Variants in PTK2 observed in about 807,000 individuals in gnomAD.
PTK2 encodes the protein focal adhesion kinase 1.
A neutral mutation model predicts 150.1 loss-of-function variants in PTK2; 45 were observed. The observed-to-expected ratio is 0.30, with a 90% CI of 0.24 to 0.38. The LOEUF is 0.38. Ranked by LOEUF, PTK2 falls within the 10% of genes least tolerant of loss-of-function variation. PTK2 has a pLI of 1.00. For synonymous variants in PTK2, 432 were observed against 449.2 expected (o/e 0.96, Z 0.48); for missense variants, 919 against 1,307.3 (o/e 0.70, Z 4.58).
intron 12 of PTK2, among the ~76,000 whole-genome samples, chr8:140,797,351 T>TA (rs2100092275): frequency 6.6e-6 from 1 of 152,182 alleles, no homozygotes. Flanking sequence ...ATATGTGTCA[T>TA]AATATTTTCC....
chr8:140,810,911 C>T (rs1043790300), intron 10 of PTK2, among the ~76,000 whole-genome samples: 2 of 152,244 alleles, frequency 1.3e-5, no homozygotes, highest in African/African-American at 4.8e-5. Context: ...CAACCCTGTG[C>T]TACCACCACC....
intron 2 of PTK2, among the ~76,000 whole-genome samples, chr8:140,923,144 A>G (rs1270274911): frequency 6.6e-6 from 1 of 152,214 alleles, no homozygotes; most frequent in East Asian, 1.9e-4. Flanking sequence ...CCTAATGTGC[A>G]AGATCTTGAG....
rs1009949549 is a variant in PTK2, at chr8:140,893,183, G to GT, written c.-32-2415dup. Among the ~76,000 whole-genome samples, 7 of 152,268 alleles carry GT rather than the reference G, an allele frequency of 4.6e-5. No individual in the cohort carries two copies. In the East Asian group the frequency reaches 1.4e-3, roughly 29 times the overall value. On this transcript the variant is annotated intron_variant, in intron 2 of 31. Coordinates refer to ENST00000522684, the Ensembl canonical transcript of PTK2. ...TCTCTATAAAAATTAACTGGGCATGGTGGCATGTGCCTGTACTCCCAGCTA... is the reference window on the plus strand; with the variant it reads ...TCTCTATAAAAATTAACTGGGCATGGTTGGCATGTGCCTGTACTCCCAGCTA...
At chr8:140,975,817 T>C (rs2100189081) in intron 1 of PTK2, among the ~76,000 whole-genome samples, 1 of 152,132 alleles carries the variant, frequency 6.6e-6, no homozygotes, top group Non-Finnish European at 1.5e-5. Flanking sequence ...GCCAGGGAAC[T>C]ATAACAGTCT....
At chr8:140,783,618 A>G (rs1694444353) in intron 14 of PTK2, among the ~76,000 whole-genome samples, 1 of 152,214 alleles carries the variant, frequency 6.6e-6, no homozygotes. Context: ...AGAACTTTAC[A>G]GTTTACAAAC....
intron 22 of PTK2, among the ~76,000 whole-genome samples, chr8:140,726,009 T>C (rs892264427): frequency 2.6e-5 from 4 of 151,924 alleles, no homozygotes; most frequent in African/African-American, 7.3e-5. Flanking sequence ...GATGAAACGA[T>C]AGGAAATGTC....
intron 1 of PTK2, among the ~76,000 whole-genome samples, chr8:140,996,614 G>C (rs1464625559): frequency 3.9e-5 from 6 of 152,198 alleles, no homozygotes; most frequent in Non-Finnish European, 7.3e-5. Context: ...GGGTCCTTAA[G>C]AACGATGCTA....
At chr8:140,921,030 T>C in intron 2 of PTK2, 1 of 1,295,994 alleles carries the variant, frequency 7.7e-7, no homozygotes, top group Non-Finnish European at 9.8e-7. Flanking sequence ...GTGCTCCTTT[T>C]TTCAGAGCTT....
At chr8:140,785,444 A>G (rs899505646) in intron 14 of PTK2, among the ~76,000 whole-genome samples, 1 of 152,208 alleles carries the variant, frequency 6.6e-6, no homozygotes, top group Non-Finnish European at 1.5e-5. Flanking sequence ...GACTATGCAT[A>G]AGAGAGAAAT....
chr8:140,809,213 G>C (rs1177440791), intron 10 of PTK2, among the ~76,000 whole-genome samples: 1 of 152,004 alleles, frequency 6.6e-6, no homozygotes, highest in Non-Finnish European at 1.5e-5. Flanking sequence ...AAATAATGAA[G>C]ATACTACAAA....
intron 26 of PTK2, among the ~76,000 whole-genome samples, chr8:140,699,811 T>TC (rs2100029147): frequency 6.6e-6 from 1 of 152,134 alleles, no homozygotes; most frequent in Admixed American, 6.6e-5. Flanking sequence ...ATTGCAAGTT[T>TC]TTTTTTTTTC....
rs556262628 is a variant in PTK2, at chr8:140,920,940, A to G, written c.-33+4721T>C. 1.3e-4 allele frequency: 198 copies of G among 1,472,610 alleles called. 2 individuals carry two copies. The African/African-American group carries it at 2.7e-3, about 20-fold the overall frequency. 91.2% of individuals were successfully genotyped at this position (1,472,610 alleles called of 1,614,324 possible). On this transcript the variant is annotated intron_variant, in intron 2 of 31. Coordinates refer to ENST00000522684, the Ensembl canonical transcript of PTK2. ...CACCCAATCCTATAAAGATCAAGCC[A>G]GGAGTCTGCACACAAAGTCCCAGTT...
At chr8:140,906,581 T>C (rs1418889900) in intron 2 of PTK2, among the ~76,000 whole-genome samples, 3 of 152,130 alleles carry the variant, frequency 2.0e-5, no homozygotes, top group East Asian at 3.9e-4. Flanking sequence ...AAATATGGCA[T>C]GTTCTCATTC....
At chr8:140,675,345 T>G in intron 28 of PTK2, 115 bp downstream of exon 31, 1 of 1,122,920 alleles carries the variant, frequency 8.9e-7, no homozygotes, top group Middle Eastern at 1.9e-4. Context: ...TGCTGTGGTC[T>G]GTAGAGGAAA....
At chr8:140,866,292 A>G (rs2100139233) in intron 4 of PTK2, among the ~76,000 whole-genome samples, 1 of 152,202 alleles carries the variant, frequency 6.6e-6, no homozygotes, top group Non-Finnish European at 1.5e-5. Context: ...CCCATATTAA[A>G]GATAAGGAAA....
At position 140,981,918 on chromosome 8, in the gene PTK2, A is replaced by G. The variant is rs1269081023; in HGVS notation, c.-122+19207T>C. The stretch of plus-strand genomic sequence containing the variant: ...CCTCCAGGTTCTCAGAGCTCAGAGC[A>G]TTCTTGAAGAAGGTAGAGATTATCT... On this transcript the variant is annotated intron_variant, in intron 1 of 31. Coordinates refer to ENST00000522684, the Ensembl canonical transcript of PTK2. 7.2e-5 allele frequency among the ~76,000 whole-genome samples: 11 copies of G among 152,304 alleles called. No individual in the cohort carries two copies. The East Asian group carries it at 9.7e-4, about 13-fold the overall frequency.
intron 7 of PTK2, among the ~76,000 whole-genome samples, chr8:140,840,993 T>C (rs1010348219): frequency 2.0e-5 from 3 of 152,066 alleles, no homozygotes; most frequent in Middle Eastern, 3.2e-3. Flanking sequence ...ATAGAGAAGA[T>C]CACTACATAA....
intron 10 of PTK2, among the ~76,000 whole-genome samples, chr8:140,807,955 C>T (rs577837035): frequency 1.8e-4 from 28 of 151,908 alleles, no homozygotes; most frequent in East Asian, 5.8e-4. Flanking sequence ...GAGGGGTGGA[C>T]GGTGGTAGTG....
At chr8:140,756,180 G>A (rs531953228) in intron 16 of PTK2, among the ~76,000 whole-genome samples, 116 of 151,972 alleles carry the variant, frequency 7.6e-4, no homozygotes, top group Middle Eastern at 3.4e-3. Flanking sequence ...AAAACTAGCC[G>A]GGTGTGATGG....
Sources: allele counts gnomAD v4.1 joint callset (sites outside exome capture counted in the v4.1 genomes callset), GRCh38; gene constraint gnomAD v4.1.1; transcripts MANE v1.5; gene names NCBI Gene and HGNC (gene_info 2026-07-23, HGNC 2026-07-21).